Variants in GXYLT1 observed in about 807,000 individuals in gnomAD.
The protein encoded by GXYLT1 is glucoside xylosyltransferase 1.
A neutral mutation model predicts 54.0 loss-of-function variants in GXYLT1; 29 were observed. That is an observed-to-expected ratio of 0.54 (90% CI 0.40 to 0.73). The LOEUF (loss-of-function observed/expected upper bound fraction) is 0.73, where lower values mean the gene tolerates loss of function less well. Ranked by LOEUF, GXYLT1 falls within the 30% of genes least tolerant of loss-of-function variation. The pLI, the probability that GXYLT1 is intolerant of heterozygous loss-of-function variation, is 0.00. For missense variants in GXYLT1, 490 were observed against 553.4 expected, an observed-to-expected ratio of 0.89 and a Z score of 1.15; for synonymous variants, 176 against 204.1, an observed-to-expected ratio of 0.86 and a Z score of 1.17.
At chr12:42,129,698 T>A in intron 2 of GXYLT1, 61 bp downstream of exon 2, 1 of 1,000,594 alleles carries the variant, frequency 1.0e-6, no homozygotes, top group Non-Finnish European at 1.6e-6. Context: ...TTACAAAGGT[T>A]TTATTATCAA....
chr12:42,095,687 T>C (rs1462214951), intron 7 of GXYLT1, among the ~76,000 whole-genome samples: 1 of 151,864 alleles, frequency 6.6e-6, no homozygotes, highest in Non-Finnish European at 1.5e-5. Context: ...CCTTATGTTA[T>C]TCTGACTTTG....
intron 6 of GXYLT1, 64 bp from the exon 7 acceptor site, chr12:42,097,678 C>T: frequency 7.2e-7 from 1 of 1,391,986 alleles, no homozygotes; most frequent in South Asian, 1.3e-5. Flanking sequence ...TAACATTATG[C>T]AAAACTTTCA....
intron 4 of GXYLT1, among the ~76,000 whole-genome samples, chr12:42,106,743 C>CTTTTTTT (rs1231770611): frequency 2.4e-5 from 3 of 127,630 alleles, no homozygotes; most frequent in African/African-American, 5.9e-5. Flanking sequence ...TATTATTTTT[C>CTTTTTTT]TTTTTTTTTT....
At chr12:42,137,246 C>T (rs990971935) in intron 1 of GXYLT1, among the ~76,000 whole-genome samples, 2 of 152,104 alleles carry the variant, frequency 1.3e-5, no homozygotes, top group Admixed American at 6.5e-5. Context: ...CAGTGGCTCA[C>T]GCCTGTAATC....
intron 1 of GXYLT1, among the ~76,000 whole-genome samples, chr12:42,139,988 T>C (rs1348893565): frequency 6.6e-6 from 1 of 152,080 alleles, no homozygotes; most frequent in Non-Finnish European, 1.5e-5. Context: ...GAGACCATCC[T>C]GGCTAACATG....
intron 1 of GXYLT1, among the ~76,000 whole-genome samples, chr12:42,133,938 T>C (rs1295496842): frequency 6.6e-6 from 1 of 152,100 alleles, no homozygotes; most frequent in Non-Finnish European, 1.5e-5. Context: ...GGCTCACACC[T>C]GTAATCCCAG....
intron 3 of GXYLT1, among the ~76,000 whole-genome samples, chr12:42,110,628 C>T (rs1450844293): frequency 6.6e-6 from 1 of 152,176 alleles, no homozygotes; most frequent in African/African-American, 2.4e-5. Flanking sequence ...TGGTTCACTG[C>T]AGCCTTGACT....
intron 3 of GXYLT1, among the ~76,000 whole-genome samples, chr12:42,117,263 A>G (rs1224823089): frequency 6.6e-6 from 1 of 152,002 alleles, no homozygotes; most frequent in Non-Finnish European, 1.5e-5. Context: ...ATGTACCCTA[A>G]AACTTAAAGT....
At chr12:42,119,421 A>G (rs376444178) in intron 2 of GXYLT1, among the ~76,000 whole-genome samples, 4 of 152,072 alleles carry the variant, frequency 2.6e-5, no homozygotes, top group South Asian at 2.1e-4. Context: ...GAGAAGAAAG[A>G]AAGGACAGAA....
intron 7 of GXYLT1, among the ~76,000 whole-genome samples, chr12:42,094,505 A>G (rs187960643): frequency 6.9e-4 from 105 of 152,028 alleles, no homozygotes; most frequent in African/African-American, 2.4e-3. Context: ...TAAAAAATAC[A>G]TATGTTAGCT....
rs140356130 is a variant in GXYLT1, at chr12:42,095,991, C to T, written c.1161+1451G>A. Among the ~76,000 whole-genome samples, 74 of 152,210 alleles carry T rather than the reference C, an allele frequency of 4.9e-4. 1 individual carries two copies. In the East Asian group the frequency reaches 0.011, roughly 23 times the overall value. ...GGTGGAGACAATGGTATGAAAGGAA[C>T]ATTTCTGAAATTATTTTAAATGACT... On this transcript the variant is annotated intron_variant, in intron 7 of 7. Coordinates refer to ENST00000398675, the MANE Select transcript of GXYLT1 (RefSeq NM_173601.2).
At chr12:42,096,919 G>C (rs888971226) in intron 7 of GXYLT1, among the ~76,000 whole-genome samples, 1 of 152,060 alleles carries the variant, frequency 6.6e-6, no homozygotes. Context: ...GAGCAGGCAT[G>C]TATATCCTGA....
rs984525052 is a variant in GXYLT1, at chr12:42,112,923, G to A, written c.487-3232C>T. Among the ~76,000 whole-genome samples the A allele has an allele frequency of 2.0e-5, 3 of 151,226 alleles. No homozygotes were observed. In the East Asian group the frequency reaches 5.8e-4, roughly 29 times the overall value. On this transcript the variant is annotated intron_variant, in intron 3 of 7. Transcript: ENST00000398675. Reference sequence around the variant, plus strand: ...TCAAAGGGAAGCCCATCAGACTAAGGGCGGATCTCTCGGCAGAAACTCTAC... The same window carrying A: ...TCAAAGGGAAGCCCATCAGACTAAGAGCGGATCTCTCGGCAGAAACTCTAC...
intron 7 of GXYLT1, among the ~76,000 whole-genome samples, chr12:42,093,840 A>G (rs988251349): frequency 3.9e-5 from 6 of 152,168 alleles, no homozygotes; most frequent in Admixed American, 3.9e-4. Flanking sequence ...GCCCAGCCAA[A>G]GATAGATTCT....
Position 42,119,115 on chromosome 12 carries a change from C to T in GXYLT1, c.371G>A (p.Gly124Asp). 6.2e-7 allele frequency: 1 copy of T among 1,613,942 alleles called. No homozygotes were observed. The highest frequency in any genetic ancestry group is 8.5e-7 in the Non-Finnish European group (1 of 1,179,778). The change falls in exon 3 of 8, where the codon GGT (glycine) becomes GAT (aspartate). Residue 124 changes from glycine (G) to aspartate (D), a missense_variant. This residue lies in a region of GXYLT1 where 148 missense variants were observed against 210.7 expected (regional missense o/e 0.70). Transcript: ENST00000398675. ...EKMHLAVVAC[G>D]ERLEETMTML... ...GGTCATAGTTTCTTCCAGTCTTTCACCACAGGCAACTACAGCTAGATGCAT... is the reference window on the plus strand; with the variant it reads ...GGTCATAGTTTCTTCCAGTCTTTCATCACAGGCAACTACAGCTAGATGCAT...
chr12:42,096,989 G>A (rs1220852204), intron 7 of GXYLT1, among the ~76,000 whole-genome samples: 3 of 152,010 alleles, frequency 2.0e-5, no homozygotes, highest in South Asian at 2.1e-4. Flanking sequence ...TAAAAAAAGG[G>A]GTGAAGAGGC....
intron 3 of GXYLT1, among the ~76,000 whole-genome samples, chr12:42,116,100 C>T (rs2065492920): frequency 6.6e-6 from 1 of 151,922 alleles, no homozygotes; most frequent in Admixed American, 6.6e-5. Flanking sequence ...AAACTGGATC[C>T]CTTCCTTACA....
rs1480536295 is a variant in GXYLT1 at position 42,105,887 on chromosome 12, A to G, written c.795T>C (p.Tyr265=). ...CTCCAGAGTTTACTCCAGTTTTTCC[A>G]TAATATGGATGCCTAGCAAAGCGAT... is the stretch of plus-strand genomic sequence containing the variant. The part of the protein sequence containing the change: ...WYNRFARHPY[Y]GKTGVNSGVM... The change falls in exon 5 of 8, where the codon TAT becomes TAC. Residue 265 remains tyrosine (Y), a synonymous_variant. Coordinates refer to ENST00000398675, the MANE Select transcript of GXYLT1 (RefSeq NM_173601.2). 3.9e-5 allele frequency: 63 copies of G among 1,613,568 alleles called. No individual in the cohort carries two copies. The highest frequency in any genetic ancestry group is 5.2e-5 in the Non-Finnish European group (61 of 1,179,666).
At chr12:42,114,191 T>C (rs1005949248) in intron 3 of GXYLT1, among the ~76,000 whole-genome samples, 4 of 152,040 alleles carry the variant, frequency 2.6e-5, no homozygotes, top group Non-Finnish European at 4.4e-5. Context: ...AGGTCTAAAA[T>C]TGACACCTTA....
Sources: gnomAD v4.1 joint callset for allele counts (sites outside exome capture counted in the v4.1 genomes callset) on GRCh38, gnomAD v4.1.1 for gene constraint, gnomAD v4.1.1 regional missense constraint, MANE v1.5 for transcripts, NCBI Gene and HGNC (gene_info 2026-07-23, HGNC 2026-07-21) for gene names.